The following ARMC9 variants were observed in gnomAD, a reference collection of about 807,000 sequenced individuals.
ARMC9 encodes the protein lisH domain-containing protein ARMC9.
In ARMC9, 94 loss-of-function variants were observed where a neutral mutation model predicts 107.0. That is an observed-to-expected ratio of 0.88 (90% CI 0.74 to 1.04). ARMC9 has a LOEUF of 1.04. Among genes scored for constraint, ARMC9 ranks in the 50% least tolerant of loss-of-function variants. The probability of loss-of-function intolerance (pLI) is 0.00; values close to 1 mark genes in which losing one functional copy is unlikely to be tolerated. For synonymous variants in ARMC9, 380 were observed against 396.9 expected (o/e 0.96, Z 0.51); for missense variants, 942 against 1,030.1 (o/e 0.91, Z 1.17).
At chr2:231,252,637 A>G (rs2125397041) in intron 9 of ARMC9, among the ~76,000 whole-genome samples, 2 of 152,002 alleles carry the variant, frequency 1.3e-5, no homozygotes, top group South Asian at 4.2e-4. Flanking sequence ...TGTTAGGTGA[A>G]TAATTTTTTT....
chr2:231,228,681 A>T (rs1012463669), intron 7 of ARMC9, among the ~76,000 whole-genome samples: 1 of 152,110 alleles, frequency 6.6e-6, no homozygotes, highest in Non-Finnish European at 1.5e-5. Context: ...TCTTGATGGG[A>T]AGGAGGGTGT....
intron 21 of ARMC9, among the ~76,000 whole-genome samples, chr2:231,349,367 A>G (rs902095415): frequency 6.6e-6 from 1 of 152,080 alleles, no homozygotes; most frequent in East Asian, 1.9e-4. Context: ...TACTTAAACA[A>G]TCTAAACAAT....
intron 17 of ARMC9, among the ~76,000 whole-genome samples, chr2:231,287,692 G>A (rs911861679): frequency 2.0e-5 from 3 of 152,074 alleles, no homozygotes; most frequent in African/African-American, 7.3e-5. Flanking sequence ...ATCATGTCAT[G>A]TAATCATGTC....
Position 231,256,231 on chromosome 2 carries a change from T to C in ARMC9, c.880-355T>C, listed in dbSNP as rs2037790288. On this transcript the variant is annotated intron_variant, in intron 9 of 24. Coordinates refer to ENST00000611582, the MANE Select transcript of ARMC9 (RefSeq NM_001352754.2). ...ACACGAGCCGATCCATCATCCGCAA[T>C]GTAAAAGGCCCCGTGCGCGAGGGCG... 3.9e-6 allele frequency: 6 copies of C among 1,537,930 alleles called. No homozygotes were observed. The Admixed American group carries it at 5.9e-5, about 15-fold the overall frequency.
chr2:231,366,766 A>G (rs1489838653), intron 23 of ARMC9, among the ~76,000 whole-genome samples: 2 of 150,690 alleles, frequency 1.3e-5, no homozygotes, highest in African/African-American at 4.9e-5. Flanking sequence ...GCTTGAACCC[A>G]TGAGGCGGAG....
intron 19 of ARMC9, among the ~76,000 whole-genome samples, chr2:231,327,428 A>G (rs1201938938): frequency 1.3e-5 from 2 of 152,202 alleles, no homozygotes; most frequent in Admixed American, 1.3e-4. Flanking sequence ...TAGAAATGGA[A>G]TCATATAGTA....
Position 231,206,265 on chromosome 2 carries a change from T to C in ARMC9, c.27T>C (p.Ser9=). ...TGGGGGACATTCTGGCTCATGAATC[T>C]GAATTACTTGGACTAGTGAAAGAGG... MGDILAHE[S]ELLGLVKEYL... is the part of the protein sequence containing the mutation. Residue 9 remains serine, a synonymous_variant, in exon 2 of 25, where the codon TCT becomes TCC. Transcript: ENST00000611582. 1 of 1,613,782 alleles carries C rather than the reference T, an allele frequency of 6.2e-7. No individual in the cohort carries two copies. Among genetic ancestry groups the C allele is most frequent in the Non-Finnish European group, 8.5e-7 (1 of 1,179,672 alleles).
rs1341987081 is a variant in ARMC9 at position 231,328,814 on chromosome 2, C to CTTTTTTT, written c.1774-2975_1774-2974insTTTTTTT. On this transcript the variant is annotated intron_variant, in intron 19 of 24. Coordinates refer to ENST00000611582, the MANE Select transcript of ARMC9 (RefSeq NM_001352754.2). ...AGCGTGTTCAATTTTCTTTTCTTTTCTTTTCTTTTTTTTTTTTTGAGTCGG... is the reference window on the plus strand; with the variant it reads ...AGCGTGTTCAATTTTCTTTTCTTTTCTTTTTTTTTTTCTTTTTTTTTTTTTGAGTCGG... Among the ~76,000 whole-genome samples the CTTTTTTT allele has an allele frequency of 2.1e-3, 263 of 127,136 alleles. 19 individuals are homozygous for CTTTTTTT. The highest frequency in any genetic ancestry group is 9.3e-3 in the Middle Eastern group (2 of 214). 83.4% of individuals were successfully genotyped at this position (127,136 alleles called of 152,430 possible).
chr2:231,371,261 G>A (rs2046009504), intron 24 of ARMC9, among the ~76,000 whole-genome samples: 1 of 152,244 alleles, frequency 6.6e-6, no homozygotes, highest in South Asian at 2.1e-4. Context: ...CATGGGCGTT[G>A]TGTGTCCTGT....
rs143555632 is a variant in ARMC9 at position 231,221,167 on chromosome 2, T to G, written c.505-1561T>G. 1.1e-3 allele frequency among the ~76,000 whole-genome samples: 160 copies of G among 152,312 alleles called. 3 individuals are homozygous for G. The East Asian group carries it at 0.024, about 23-fold the overall frequency. ...TCCCTGAATCCTAGGGGAGGATCCT[T>G]CCTTTCCCCTCCCAGCTTCTTGTAG... On this transcript the variant is annotated intron_variant, in intron 5 of 24. Coordinates refer to ENST00000611582, the MANE Select transcript of ARMC9 (RefSeq NM_001352754.2).
At chr2:231,356,562 G>A (rs2045352655) in intron 22 of ARMC9, among the ~76,000 whole-genome samples, 1 of 152,138 alleles carries the variant, frequency 6.6e-6, no homozygotes, top group Non-Finnish European at 1.5e-5. Flanking sequence ...ACAGAGGAAC[G>A]GGTTGGATTC....
intron 19 of ARMC9, among the ~76,000 whole-genome samples, chr2:231,310,732 C>T (rs1256316635): frequency 1.3e-5 from 2 of 150,618 alleles, no homozygotes; most frequent in Non-Finnish European, 3.0e-5. Context: ...AGTGAAACTC[C>T]GTCTCAAAAG....
In ARMC9 at chr2:231,358,711, T is replaced by G. The variant is rs192586502; in HGVS notation, c.2132-2043T>G. Among the ~76,000 whole-genome samples, 1 of 152,272 alleles carries G rather than the reference T, an allele frequency of 6.6e-6. No homozygotes were observed. The highest frequency in any genetic ancestry group is 2.4e-5 in the African/African-American group (1 of 41,552). ...CAGTCAGCACCGCAGGGAAAACTCA[T>G]GAGGAGGAACCTGTTGGACCCTCAA... is the stretch of plus-strand genomic sequence containing the variant. On this transcript the variant is annotated intron_variant, in intron 22 of 24. Transcript: ENST00000611582. The surrounding 1 kb of genome is among the most constrained non-coding windows in gnomAD (Gnocchi z 4.5).
rs141090328 is a variant in ARMC9 at position 231,271,015 on chromosome 2, G to A, written c.1153G>A (p.Asp385Asn). ...GCTTCAGTTGCTGCACTCCACGAGC[G>A]ACGTGGTGCGGCAGTACATGGCCAG... Reference protein sequence around the residue: ...SVLQLLHSTSDVVRQYMARLI... With the variant: ...SVLQLLHSTSNVVRQYMARLI... The change falls in exon 13 of 25, where the codon GAC becomes AAC. Residue 385 changes from aspartate to asparagine, a missense_variant. Physicochemically the swap from Asp to Asn is conservative, Grantham distance 23 (BLOSUM62 1). Transcript: ENST00000611582. The A allele has an allele frequency of 4.8e-4, 782 of 1,614,178 alleles. 10 individuals are homozygous for A. The East Asian group carries it at 0.014, about 29-fold the overall frequency.
chr2:231,230,879 AG>A lies in ARMC9; in HGVS notation c.622+4083del, dbSNP rs1356172073. 5.3e-5 allele frequency among the ~76,000 whole-genome samples: 8 copies of A among 152,322 alleles called. No individual in the cohort carries two copies. The East Asian group carries it at 1.5e-3, about 29-fold the overall frequency. On this transcript the variant is annotated intron_variant, in intron 7 of 24. Transcript: ENST00000611582. Reference sequence around the variant, plus strand: ...TCTTTTCCCGAATATTTTCAACCTGAGGTGGTTGAATCCACAGGTGCAGTAC... The same window carrying A: ...TCTTTTCCCGAATATTTTCAACCTGAGTGGTTGAATCCACAGGTGCAGTAC...
chr2:231,345,080 G>T lies in ARMC9; in HGVS notation c.1984G>T (p.Gly662Trp). 1.2e-6 allele frequency: 2 copies of T among 1,613,514 alleles called. No individual in the cohort carries two copies. Among genetic ancestry groups the T allele is most frequent in the Non-Finnish European group, 1.7e-6 (2 of 1,179,848 alleles). ...RPVTPGGHRN[G>W]YPVVEDQHTP... ...CGTCACCCCCGGCGGCCACAGAAAC[G>T]GGTACCCAGTGTAAGTCAGGGCTAA... The change falls in exon 21 of 25, where the codon GGG becomes TGG. Residue 662 changes from glycine (G) to tryptophan (W), a missense_variant. Physicochemically the swap from Gly to Trp is radical, Grantham distance 184. Transcript: ENST00000611582.
intron 20 of ARMC9, among the ~76,000 whole-genome samples, chr2:231,337,027 G>A (rs2044139084): frequency 6.6e-6 from 1 of 152,194 alleles, no homozygotes; most frequent in African/African-American, 2.4e-5. Flanking sequence ...GTGGCTTGCA[G>A]CGGGCCCTGA....
At chr2:231,258,878 C>A in intron 10 of ARMC9, 113 bp from the exon 11 acceptor site, 1 of 969,258 alleles carries the variant, frequency 1.0e-6, no homozygotes, top group Non-Finnish European at 1.6e-6. Flanking sequence ...GGAGGTCATG[C>A]TGGGAGCCCA....
intron 18 of ARMC9, chr2:231,294,761 A>G (rs1314330480): frequency 6.6e-6 from 1 of 152,268 alleles, no homozygotes; most frequent in Non-Finnish European, 1.5e-5. Context: ...CACTTCCTGA[A>G]GGTGGAATGG....
Sources: allele counts gnomAD v4.1 joint callset (sites outside exome capture counted in the v4.1 genomes callset), GRCh38; gene constraint gnomAD v4.1.1; non-coding constraint Gnocchi (gnomAD v3.1); transcripts MANE v1.5; gene names NCBI Gene and HGNC (gene_info 2026-07-23, HGNC 2026-07-21).